The following CLSTN1 variants were observed in gnomAD, a reference collection of about 807,000 sequenced individuals.
The protein encoded by CLSTN1 is calsyntenin-1.
Under a neutral mutation model 108.3 loss-of-function variants are expected in CLSTN1, and 28 were observed. That is an observed-to-expected ratio of 0.26 (90% CI 0.19 to 0.35). CLSTN1 has a LOEUF of 0.35. Ranked by LOEUF, CLSTN1 falls within the 10% of genes least tolerant of loss-of-function variation. The probability of loss-of-function intolerance (pLI) is 1.00; values close to 1 mark genes in which losing one functional copy is unlikely to be tolerated. For missense variants in CLSTN1, 1,157 were observed against 1,302.6 expected (o/e 0.89, Z 1.72); for synonymous variants, 524 against 534.9 (o/e 0.98, Z 0.28).
intron 1 of CLSTN1, among the ~76,000 whole-genome samples, chr1:9,805,866 C>CAAA (rs56899514): frequency 2.3e-4 from 17 of 74,836 alleles, no homozygotes; most frequent in Admixed American, 2.0e-3. Context: ...GACTCTGTCT[C>CAAA]AAAAAAAAAA....
intron 1 of CLSTN1, among the ~76,000 whole-genome samples, chr1:9,795,283 A>G (rs1417430366): frequency 6.7e-6 from 1 of 150,230 alleles, no homozygotes; most frequent in Non-Finnish European, 1.5e-5. Flanking sequence ...CTCCTGCCTC[A>G]GCCTCCTGAG....
intron 1 of CLSTN1, among the ~76,000 whole-genome samples, chr1:9,778,223 A>AACAC (rs57372437): frequency 0.12 from 16,137 of 134,368 alleles, 1,255 homozygotes; most frequent in East Asian, 0.32. Context: ...TCTCCTCCCC[A>AACAC]ACACACACAC....
chr1:9,800,905 C>A (rs1249939950), intron 1 of CLSTN1, among the ~76,000 whole-genome samples: 1 of 151,850 alleles, frequency 6.6e-6, no homozygotes, highest in African/African-American at 2.4e-5. Flanking sequence ...CACCATTGCA[C>A]TCCAGCCTAG....
At chr1:9,751,210 T>C (rs1402278467) in intron 5 of CLSTN1, among the ~76,000 whole-genome samples, 3 of 152,070 alleles carry the variant, frequency 2.0e-5, no homozygotes, top group Non-Finnish European at 2.9e-5. Flanking sequence ...GGTAGGAGGA[T>C]TTTTATTTGA....
intron 1 of CLSTN1, among the ~76,000 whole-genome samples, chr1:9,806,511 A>C (rs1302679921): frequency 6.6e-6 from 1 of 152,186 alleles, no homozygotes; most frequent in East Asian, 1.9e-4. Flanking sequence ...ATGTTACAAA[A>C]TACCCTGTAG....
intron 1 of CLSTN1, among the ~76,000 whole-genome samples, chr1:9,787,486 C>T (rs1037721098): frequency 6.8e-6 from 1 of 146,070 alleles, no homozygotes; most frequent in African/African-American, 2.5e-5. Context: ...TCACTGCAAG[C>T]TCCGCCTCCC....
intron 1 of CLSTN1, among the ~76,000 whole-genome samples, chr1:9,787,402 A>ATT (rs70998310): frequency 5.1e-4 from 69 of 136,588 alleles, no homozygotes; most frequent in African/African-American, 6.8e-4. Context: ...GAGCCTTCTA[A>ATT]TTTTTTTTTT....
chr1:9,788,539 G>C (rs1458001154), intron 1 of CLSTN1, among the ~76,000 whole-genome samples: 1 of 148,844 alleles, frequency 6.7e-6, no homozygotes, highest in African/African-American at 2.5e-5. Context: ...CTGTACTCCA[G>C]CCTGGGTGAC....
intron 1 of CLSTN1, among the ~76,000 whole-genome samples, chr1:9,819,214 C>G (rs1443302526): frequency 6.6e-6 from 1 of 152,066 alleles, no homozygotes; most frequent in East Asian, 1.9e-4. Flanking sequence ...ATAATCAGAT[C>G]TCTATTTTGT....
Position 9,756,516 on chromosome 1 carries a change from G to C in CLSTN1, c.215-6C>G. 3.7e-6 allele frequency: 6 copies of C among 1,611,864 alleles called. No individual in the cohort carries two copies. The highest frequency in any genetic ancestry group is 5.1e-6 in the Non-Finnish European group (6 of 1,178,318). On this transcript the variant is annotated splice_polypyrimidine_tract_variant and splice_region_variant and intron_variant, in intron 2 of 18. Transcript: ENST00000377298. ...GACTGTCACCTCAAAACTCTCTAAA[G>C]GGAGAAAAGATAAGCCCATGTCAGT...
chr1:9,758,020 C>T (rs981433439), intron 2 of CLSTN1, among the ~76,000 whole-genome samples: 2 of 151,330 alleles, frequency 1.3e-5, no homozygotes, highest in Non-Finnish European at 2.9e-5. Context: ...GGGGTGGGAA[C>T]GGAGTTTCAC....
chr1:9,808,235 C>T (rs1193207894), intron 1 of CLSTN1, among the ~76,000 whole-genome samples: 2 of 152,148 alleles, frequency 1.3e-5, no homozygotes, highest in Non-Finnish European at 1.5e-5. Flanking sequence ...TTTCCATTCA[C>T]GTTTGGTTGA....
chr1:9,740,084 G>C (rs544750467), intron 10 of CLSTN1, among the ~76,000 whole-genome samples: 48 of 152,138 alleles, frequency 3.2e-4, no homozygotes, highest in African/African-American at 1.1e-3. Flanking sequence ...CCAAAGTGCT[G>C]GGATTACAGG....
At chr1:9,799,344 G>A (rs1201803478) in intron 1 of CLSTN1, among the ~76,000 whole-genome samples, 13 of 152,216 alleles carry the variant, frequency 8.5e-5, no homozygotes, top group African/African-American at 2.6e-4. Context: ...AACTCTGAGA[G>A]TTAAAAATTC....
At chr1:9,767,778 G>C (rs1383120564) in intron 2 of CLSTN1, among the ~76,000 whole-genome samples, 1 of 152,124 alleles carries the variant, frequency 6.6e-6, no homozygotes, top group Non-Finnish European at 1.5e-5. Context: ...ACTTAAGAAA[G>C]TCTGTAAGAA....
chr1:9,751,970 GTTTT>G (rs911827044), intron 4 of CLSTN1, among the ~76,000 whole-genome samples: 1 of 150,904 alleles, frequency 6.6e-6, no homozygotes, highest in Non-Finnish European at 1.5e-5. Flanking sequence ...AGACTTGGGT[GTTTT>G]TTTTTGACAA....
At chr1:9,788,055 G>T (rs775688996) in intron 1 of CLSTN1, among the ~76,000 whole-genome samples, 9 of 151,246 alleles carry the variant, frequency 6.0e-5, no homozygotes, top group Admixed American at 1.3e-4. Flanking sequence ...AGGAGTTCAA[G>T]ATCAGCCCGG....
intron 13 of CLSTN1, 34 bp downstream of exon 13, chr1:9,735,433 C>A (rs1458723468): frequency 3.1e-6 from 5 of 1,613,806 alleles, no homozygotes; most frequent in Non-Finnish European, 4.2e-6. Context: ...TGTCATTGGG[C>A]AAAACAGGCC....
chr1:9,767,986 A>G (rs1333879206), intron 2 of CLSTN1, among the ~76,000 whole-genome samples: 1 of 152,120 alleles, frequency 6.6e-6, no homozygotes, highest in South Asian at 2.1e-4. Flanking sequence ...CCCCAAACCA[A>G]TGAGGTCTGT....
Sources: allele counts gnomAD v4.1 joint callset (sites outside exome capture counted in the v4.1 genomes callset), GRCh38; gene constraint gnomAD v4.1.1; transcripts MANE v1.5; gene names NCBI Gene and HGNC (gene_info 2026-07-23, HGNC 2026-07-21).